Variants in CSMD1 observed in about 807,000 individuals in gnomAD.
CSMD1 encodes CUB and sushi domain-containing protein 1.
In CSMD1, 213 loss-of-function variants were observed where a neutral mutation model predicts 417.5. The ratio of observed to expected loss-of-function variants is 0.51; its 90% CI spans 0.46 to 0.57. The LOEUF is 0.57. Ranked by LOEUF, CSMD1 falls within the 20% of genes least tolerant of loss-of-function variation. The probability of loss-of-function intolerance (pLI) is 0.00; values close to 1 mark genes in which losing one functional copy is unlikely to be tolerated. For missense variants in CSMD1, 6,923 were observed against 4,529.7 expected (o/e 1.53, Z -15.17); for synonymous variants, 2,862 against 1,736.8 (o/e 1.65, Z -16.11).
At chr8:4,104,128 G>T (rs987052999) in intron 3 of CSMD1, among the ~76,000 whole-genome samples, 1 of 152,210 alleles carries the variant, frequency 6.6e-6, no homozygotes, top group Admixed American at 6.5e-5. Context: ...GCAGAGTGTT[G>T]ATTCAGTCCC....
chr8:4,328,927 G>C (rs551366417), intron 3 of CSMD1, among the ~76,000 whole-genome samples: 1 of 152,132 alleles, frequency 6.6e-6, no homozygotes, highest in African/African-American at 2.4e-5. Flanking sequence ...GTTTGCATTC[G>C]CTGTTTTTGC....
At chr8:3,572,732 T>G (rs1357626900) in intron 10 of CSMD1, among the ~76,000 whole-genome samples, 1 of 152,208 alleles carries the variant, frequency 6.6e-6, no homozygotes, top group African/African-American at 2.4e-5. Flanking sequence ...CTCAATCCCT[T>G]TAATATAAAA....
At chr8:4,290,943 T>G (rs1280432862) in intron 3 of CSMD1, among the ~76,000 whole-genome samples, 2 of 152,220 alleles carry the variant, frequency 1.3e-5, no homozygotes, top group Non-Finnish European at 2.9e-5. Flanking sequence ...TTAATTCATT[T>G]CTTTCTAAAA....
At chr8:4,683,587 G>C (rs532708570) in intron 1 of CSMD1, among the ~76,000 whole-genome samples, 1 of 152,288 alleles carries the variant, frequency 6.6e-6, no homozygotes, top group South Asian at 2.1e-4. Flanking sequence ...TGGTAGTGGA[G>C]CCAGAAAACC....
At chr8:3,098,221 T>C (rs1042131631) in intron 46 of CSMD1, among the ~76,000 whole-genome samples, 4 of 152,226 alleles carry the variant, frequency 2.6e-5, no homozygotes, top group African/African-American at 7.2e-5. Context: ...AATCACCTTT[T>C]CCTTAATGAA....
At chr8:4,844,759 C>T (rs1801034095) in intron 1 of CSMD1, among the ~76,000 whole-genome samples, 1 of 152,150 alleles carries the variant, frequency 6.6e-6, no homozygotes, top group Non-Finnish European at 1.5e-5. Context: ...CAGTGATAAG[C>T]TTAATTAATT....
At chr8:4,798,767 A>G (rs762430710) in intron 1 of CSMD1, among the ~76,000 whole-genome samples, 1 of 152,220 alleles carries the variant, frequency 6.6e-6, no homozygotes, top group Non-Finnish European at 1.5e-5. Flanking sequence ...GCTGATAAAA[A>G]CCTCATTAGT....
chr8:3,718,112 A>G (rs1282723096), intron 6 of CSMD1, among the ~76,000 whole-genome samples: 6 of 152,238 alleles, frequency 3.9e-5, no homozygotes, highest in African/African-American at 1.4e-4. Context: ...ATTTAAAATA[A>G]TGCGCTATTG....
Position 3,796,379 on chromosome 8 carries a change from T to TATATATATCTATCATGTATAGATATAG in CSMD1, c.819-42364_819-42338dup, listed in dbSNP as rs1800138031. Among the ~76,000 whole-genome samples, 10 of 48,206 alleles carry TATATATATCTATCATGTATAGATATAG rather than the reference T, an allele frequency of 2.1e-4. 1 individual carries two copies. The highest frequency in any genetic ancestry group is 6.1e-4 in the South Asian group (1 of 1,638). 31.6% of individuals were successfully genotyped at this position (48,206 alleles called of 152,430 possible). On this transcript the variant is annotated intron_variant, in intron 5 of 69. Transcript: ENST00000635120. Reference sequence around the variant, plus strand: ...TATAGATATAGATATCTATCATGTATATATATATCTATCATGTATAGATAT... The same window carrying TATATATATCTATCATGTATAGATATAG: ...TATAGATATAGATATCTATCATGTATATATATATCTATCATGTATAGATATAGATATATATCTATCATGTATAGATAT...
chr8:4,476,962 G>A (rs73514649), intron 2 of CSMD1, among the ~76,000 whole-genome samples: 79 of 152,306 alleles, frequency 5.2e-4, no homozygotes, highest in African/African-American at 1.8e-3. Context: ...AAAGCATGAG[G>A]TGTGCTGCTG....
intron 4 of CSMD1, among the ~76,000 whole-genome samples, chr8:3,999,632 A>G (rs772980805): frequency 1.3e-5 from 2 of 152,180 alleles, no homozygotes; most frequent in Admixed American, 6.5e-5. Context: ...AGTTTGGAGT[A>G]TTGCATTTCC....
chr8:4,440,877 G>T (rs997849767), intron 2 of CSMD1, among the ~76,000 whole-genome samples: 1 of 151,348 alleles, frequency 6.6e-6, no homozygotes, highest in African/African-American at 2.4e-5. Context: ...AATGCCTATA[G>T]TCCCAGCTAC....
chr8:4,337,267 C>A (rs1206536255), intron 3 of CSMD1, among the ~76,000 whole-genome samples: 1 of 152,084 alleles, frequency 6.6e-6, no homozygotes, highest in Non-Finnish European at 1.5e-5. Context: ...ATCATGGCAA[C>A]TAAATGCTTA....
intron 3 of CSMD1, among the ~76,000 whole-genome samples, chr8:4,367,577 TTTTC>T (rs1165480037): frequency 2.0e-5 from 3 of 152,102 alleles, no homozygotes; most frequent in South Asian, 2.1e-4. Flanking sequence ...TTAGAATGGT[TTTTC>T]TTTTTCTAAT....
chr8:4,434,167 G>A (rs1046825850), intron 2 of CSMD1, among the ~76,000 whole-genome samples: 1 of 152,088 alleles, frequency 6.6e-6, no homozygotes, highest in Non-Finnish European at 1.5e-5. Flanking sequence ...GTGAAAACCA[G>A]TCTCTACTAA....
chr8:4,048,783 ATGT>A (rs1798277457), intron 3 of CSMD1, among the ~76,000 whole-genome samples: 2 of 152,212 alleles, frequency 1.3e-5, no homozygotes, highest in African/African-American at 2.4e-5. Flanking sequence ...TGTTACATGA[ATGT>A]TATTATACAG....
At chr8:3,891,797 C>A (rs1585149822) in intron 5 of CSMD1, among the ~76,000 whole-genome samples, 1 of 152,072 alleles carries the variant, frequency 6.6e-6, no homozygotes, top group Non-Finnish European at 1.5e-5. Context: ...GATTTAGGCA[C>A]ATCAATTATT....
chr8:4,399,946 G>C (rs1335433651), intron 3 of CSMD1, among the ~76,000 whole-genome samples: 2 of 152,090 alleles, frequency 1.3e-5, no homozygotes, highest in African/African-American at 2.4e-5. Context: ...ACCTCATCTA[G>C]GGCTCTCTGG....
At chr8:2,997,594 G>C (rs2128953022) in intron 54 of CSMD1, among the ~76,000 whole-genome samples, 1 of 152,312 alleles carries the variant, frequency 6.6e-6, no homozygotes, top group Admixed American at 6.5e-5. Flanking sequence ...AGATTTAGCA[G>C]AGGTCTCTGT....
Sources: gnomAD v4.1 joint callset for allele counts (sites outside exome capture counted in the v4.1 genomes callset) on GRCh38, gnomAD v4.1.1 for gene constraint, MANE v1.5 for transcripts, NCBI Gene and HGNC (gene_info 2026-07-23, HGNC 2026-07-21) for gene names.